The following ABAT variants were observed in gnomAD, a reference collection of about 807,000 sequenced individuals.
ABAT encodes 4-aminobutyrate aminotransferase, also known as 4-aminobutyrate aminotransferase, mitochondrial.
A neutral mutation model predicts 64.6 loss-of-function variants in ABAT; 45 were observed. That is an observed-to-expected ratio of 0.70 (90% CI 0.55 to 0.89). ABAT has a LOEUF of 0.89. Ranked by LOEUF, ABAT falls within the 40% of genes least tolerant of loss-of-function variation. The probability of loss-of-function intolerance (pLI) is 0.00; values close to 1 mark genes in which losing one functional copy is unlikely to be tolerated. For synonymous variants in ABAT, 297 were observed against 250.5 expected, an observed-to-expected ratio of 1.19 and a Z score of -1.75; for missense variants, 633 against 658.4, an observed-to-expected ratio of 0.96 and a Z score of 0.42.
chr16:8,762,647 C>T (rs1397301317), intron 6 of ABAT, among the ~76,000 whole-genome samples: 1 of 152,208 alleles, frequency 6.6e-6, no homozygotes, highest in Admixed American at 6.5e-5. Context: ...ATCACCCCCA[C>T]GTCGTTCCTA....
intron 2 of ABAT, among the ~76,000 whole-genome samples, chr16:8,742,212 G>A (rs926459616): frequency 2.0e-5 from 3 of 151,992 alleles, no homozygotes; most frequent in African/African-American, 4.8e-5. Flanking sequence ...GCTCATTATC[G>A]CAGTTCCACT....
chr16:8,708,162 AAAAGG>A (rs1190536249), intron 1 of ABAT, among the ~76,000 whole-genome samples: 1 of 77,490 alleles, frequency 1.3e-5, no homozygotes, highest in African/African-American at 3.5e-5. Context: ...CCATCTAGAC[AAAAGG>A]AGTCTGCTGG....
rs377133891 is a variant in ABAT, at chr16:8,781,282, T to C, written c.1382-27T>C. The stretch of plus-strand genomic sequence containing the variant: ...AGCATGTGACTTTGAGAAACCACGC[T>C]CCTCACCTACCTCCTGCCTCTTTCA... On this transcript the variant is annotated intron_variant, in intron 15 of 15. Coordinates refer to ENST00000268251, the MANE Select transcript of ABAT (RefSeq NM_020686.6). This position sits in a 1 kb window ranked among gnomAD's most constrained non-coding sequence, Gnocchi z 4.5. The C allele has an allele frequency of 1.9e-4, 314 of 1,613,682 alleles. No homozygotes were observed. Among genetic ancestry groups the C allele is most frequent in the Non-Finnish European group, 2.4e-4 (285 of 1,179,924 alleles).
At chr16:8,735,618 G>A (rs1172467764) in intron 1 of ABAT, 81 bp from the exon 2 acceptor site, 12 of 1,106,290 alleles carry the variant, frequency 1.1e-5, no homozygotes, top group African/African-American at 1.5e-5. Context: ...TCTATTAGGT[G>A]GGAAGTGGTG....
intron 1 of ABAT, among the ~76,000 whole-genome samples, chr16:8,679,668 C>T (rs889557639): frequency 1.8e-4 from 27 of 152,040 alleles, no homozygotes; most frequent in African/African-American, 4.8e-4. Flanking sequence ...TCTCTCCTGC[C>T]TTTTTCTCTG....
At chr16:8,758,886 G>A (rs12921235) in intron 6 of ABAT, among the ~76,000 whole-genome samples, 77,032 of 151,870 alleles carry the variant, frequency 0.51, 21,676 homozygotes, top group Admixed American at 0.63. Context: ...GCACTTGAGG[G>A]AGGTCAGGAG....
At chr16:8,703,207 G>T (rs778157124) in intron 1 of ABAT, among the ~76,000 whole-genome samples, 4 of 152,142 alleles carry the variant, frequency 2.6e-5, no homozygotes, top group Admixed American at 2.6e-4. Context: ...AGCACTCTGG[G>T]AGGCTGAGGT....
In ABAT at chr16:8,709,033, T is replaced by C. The variant is rs146562645; in HGVS notation, c.-41-26666T>C. Reference sequence around the variant, plus strand: ...TCTGAATGGGGGTGTGCCGTAAGCATAAAACACACATCCGATTTTGAAGAC... The same window carrying C: ...TCTGAATGGGGGTGTGCCGTAAGCACAAAACACACATCCGATTTTGAAGAC... On this transcript the variant is annotated intron_variant, in intron 1 of 15. Transcript: ENST00000268251. 1.1e-4 allele frequency among the ~76,000 whole-genome samples: 17 copies of C among 152,268 alleles called. No homozygotes were observed. The East Asian group carries it at 3.1e-3, about 28-fold the overall frequency.
Position 8,781,109 on chromosome 16 carries a change from T to A in ABAT, c.1382-200T>A. 10 of 786,172 alleles carry A rather than the reference T, an allele frequency of 1.3e-5. No individual in the cohort carries two copies. The highest frequency in any genetic ancestry group is 2.0e-5 in the Non-Finnish European group (9 of 444,800). 48.7% of individuals were successfully genotyped at this position (786,172 alleles called of 1,614,324 possible). On this transcript the variant is annotated intron_variant, in intron 15 of 15. Coordinates refer to ENST00000268251, the MANE Select transcript of ABAT (RefSeq NM_020686.6). The surrounding 1 kb of genome is among the most constrained non-coding windows in gnomAD (Gnocchi z 4.5). The stretch of plus-strand genomic sequence containing the variant: ...AGGAAGAAGAGAATGATGGAGGAGA[T>A]GAATGAGGGGAGAGAGAAAGGAAAT...
chr16:8,701,760 G>A (rs781652024), intron 1 of ABAT, among the ~76,000 whole-genome samples: 3 of 152,222 alleles, frequency 2.0e-5, no homozygotes, highest in African/African-American at 7.2e-5. Context: ...GGGCAGGGGT[G>A]CAACTGAAAA....
chr16:8,777,851 G>A (rs2060311867), intron 14 of ABAT, among the ~76,000 whole-genome samples: 1 of 152,156 alleles, frequency 6.6e-6, no homozygotes, highest in Non-Finnish European at 1.5e-5. Flanking sequence ...AGGGGCTCAT[G>A]CCTGTAACCC....
intron 1 of ABAT, among the ~76,000 whole-genome samples, chr16:8,704,521 C>T (rs1299048256): frequency 6.6e-6 from 1 of 152,180 alleles, no homozygotes; most frequent in Non-Finnish European, 1.5e-5. Flanking sequence ...AAAAAGGTGG[C>T]AACAAATAGA....
chr16:8,708,477 G>A (rs999277074), intron 1 of ABAT, among the ~76,000 whole-genome samples: 10 of 151,698 alleles, frequency 6.6e-5, no homozygotes, highest in Non-Finnish European at 1.2e-4. Flanking sequence ...CAGGTGGCTC[G>A]GGGGCAGGGT....
At chr16:8,714,079 T>C (rs2142106909) in intron 1 of ABAT, among the ~76,000 whole-genome samples, 1 of 152,188 alleles carries the variant, frequency 6.6e-6, no homozygotes, top group South Asian at 2.1e-4. Flanking sequence ...ACTTAACAGA[T>C]TTTTCAAGGA....
At chr16:8,689,457 A>T (rs868055759) in intron 1 of ABAT, among the ~76,000 whole-genome samples, 10 of 152,352 alleles carry the variant, frequency 6.6e-5, no homozygotes, top group South Asian at 2.1e-4. Context: ...TAACAATTTG[A>T]CAAAAATGTA....
At chr16:8,780,863 T>A in intron 15 of ABAT, 1 of 354,630 alleles carries the variant, frequency 2.8e-6, no homozygotes, top group Non-Finnish European at 5.3e-6. Flanking sequence ...CTGTCCCTCC[T>A]CCGTAATAGC....
chr16:8,710,415 A>G (rs1156706255), intron 1 of ABAT, among the ~76,000 whole-genome samples: 2 of 152,042 alleles, frequency 1.3e-5, no homozygotes, highest in African/African-American at 4.8e-5. Flanking sequence ...GACCTTCAGA[A>G]TGACCTTGGG....
chr16:8,755,248 C>T (rs1291385151), intron 5 of ABAT, among the ~76,000 whole-genome samples: 2 of 152,058 alleles, frequency 1.3e-5, no homozygotes, highest in Non-Finnish European at 2.9e-5. Flanking sequence ...TCCCTCTGGT[C>T]TTCTCGACAG....
chr16:8,708,639 C>G (rs1172587580), intron 1 of ABAT, among the ~76,000 whole-genome samples: 3 of 152,282 alleles, frequency 2.0e-5, no homozygotes, highest in African/African-American at 7.2e-5. Flanking sequence ...AAGTTAAATT[C>G]TTTTCTTAGA....
Sources: gnomAD v4.1 joint callset for allele counts (sites outside exome capture counted in the v4.1 genomes callset) on GRCh38, gnomAD v4.1.1 for gene constraint, Gnocchi (gnomAD v3.1) non-coding constraint, MANE v1.5 for transcripts, NCBI Gene and HGNC (gene_info 2026-07-23, HGNC 2026-07-21) for gene names.